NR3C2: variants seen among roughly 807,000 people sequenced by gnomAD.
NR3C2 encodes the protein nuclear receptor subfamily 3 group C member 2.
Under a neutral mutation model 86.4 loss-of-function variants are expected in NR3C2, and 15 were observed. The ratio of observed to expected loss-of-function variants is 0.17; its 90% CI spans 0.12 to 0.27. The LOEUF is 0.27. NR3C2 is among the 10% of genes least tolerant of loss of function. NR3C2 has a pLI of 1.00. For synonymous variants in NR3C2, 458 were observed against 450.5 expected, an observed-to-expected ratio of 1.02 and a Z score of -0.21; for missense variants, 960 against 1,195.6, an observed-to-expected ratio of 0.80 and a Z score of 2.91.
At chr4:148,320,346 T>C (rs1470162407) in intron 2 of NR3C2, among the ~76,000 whole-genome samples, 1 of 109,764 alleles carries the variant, frequency 9.1e-6, no homozygotes, top group African/African-American at 4.1e-5. Context: ...TCTTTTTTGG[T>C]TGTGTCTCTG....
chr4:148,155,922 C>G (rs1734361306), intron 4 of NR3C2, among the ~76,000 whole-genome samples: 2 of 152,028 alleles, frequency 1.3e-5, no homozygotes, highest in Non-Finnish European at 2.9e-5. Flanking sequence ...AGATATAGAT[C>G]AATGGAACAG....
intron 2 of NR3C2, among the ~76,000 whole-genome samples, chr4:148,321,780 A>G (rs1433407861): frequency 3.3e-5 from 5 of 152,118 alleles, no homozygotes; most frequent in South Asian, 2.1e-4. Flanking sequence ...GTCTCTGCAC[A>G]TGAGATGGGT....
intron 2 of NR3C2, among the ~76,000 whole-genome samples, chr4:148,316,947 G>A (rs574343396): frequency 3.1e-4 from 47 of 151,972 alleles, no homozygotes; most frequent in Non-Finnish European, 4.3e-4. Context: ...GATGACAGGC[G>A]CACACCACCA....
intron 8 of NR3C2, among the ~76,000 whole-genome samples, chr4:148,094,160 C>A (rs983207314): frequency 6.6e-6 from 1 of 152,036 alleles, no homozygotes; most frequent in Non-Finnish European, 1.5e-5. Context: ...CATTTCACAC[C>A]CATTAGGATG....
At chr4:148,098,380 T>C (rs1578879187) in intron 8 of NR3C2, among the ~76,000 whole-genome samples, 1 of 152,280 alleles carries the variant, frequency 6.6e-6, no homozygotes. Context: ...AGCCACGTCA[T>C]AGTTTTCTTG....
At chr4:148,236,672 C>T (rs1207460585) in intron 3 of NR3C2, among the ~76,000 whole-genome samples, 1 of 152,134 alleles carries the variant, frequency 6.6e-6, no homozygotes, top group Non-Finnish European at 1.5e-5. Flanking sequence ...TTGTATCTAG[C>T]TGGACACTCA....
intron 6 of NR3C2, among the ~76,000 whole-genome samples, chr4:148,129,122 C>T (rs1047937771): frequency 4.6e-5 from 7 of 152,122 alleles, no homozygotes; most frequent in African/African-American, 1.4e-4. Flanking sequence ...ATAGAAGCAA[C>T]CCAAGTGTTC....
At chr4:148,413,674 G>A (rs1748837206) in intron 2 of NR3C2, among the ~76,000 whole-genome samples, 1 of 152,052 alleles carries the variant, frequency 6.6e-6, no homozygotes, top group African/African-American at 2.4e-5. Flanking sequence ...AATAGGATAT[G>A]AACAGCAATT....
At chr4:148,388,149 A>T (rs559135033) in intron 2 of NR3C2, among the ~76,000 whole-genome samples, 6 of 152,202 alleles carry the variant, frequency 3.9e-5, no homozygotes, top group African/African-American at 1.2e-4. Context: ...AATAATTTAC[A>T]TGCTAGGGTA....
At chr4:148,358,126 T>C (rs1432309802) in intron 2 of NR3C2, among the ~76,000 whole-genome samples, 3 of 152,288 alleles carry the variant, frequency 2.0e-5, no homozygotes, top group East Asian at 3.9e-4. Flanking sequence ...ACTGGGTATA[T>C]ACCCAAAGGA....
intron 4 of NR3C2, among the ~76,000 whole-genome samples, chr4:148,183,232 T>C (rs112651241): frequency 0.17 from 26,451 of 152,194 alleles, 2,358 homozygotes; most frequent in Middle Eastern, 0.28. Context: ...TGATGGACAT[T>C]TGGGTTGGTT....
chr4:148,337,727 T>C (rs1477520961), intron 2 of NR3C2, among the ~76,000 whole-genome samples: 2 of 152,174 alleles, frequency 1.3e-5, no homozygotes, highest in Non-Finnish European at 2.9e-5. Context: ...TGAGTAGAAA[T>C]ATATGGTACA....
intron 3 of NR3C2, among the ~76,000 whole-genome samples, chr4:148,248,315 T>C (rs1326766516): frequency 5.9e-5 from 9 of 152,228 alleles, no homozygotes; most frequent in Admixed American, 2.0e-4. Context: ...ACTTATGTAA[T>C]CTTAGCAATA....
At chr4:148,140,098 G>T (rs895403463) in intron 6 of NR3C2, among the ~76,000 whole-genome samples, 4 of 152,140 alleles carry the variant, frequency 2.6e-5, no homozygotes, top group Non-Finnish European at 5.9e-5. Flanking sequence ...GGGGAGTCTG[G>T]AGCCTTCCTT....
At chr4:148,383,435 G>C (rs1747100890) in intron 2 of NR3C2, among the ~76,000 whole-genome samples, 1 of 152,058 alleles carries the variant, frequency 6.6e-6, no homozygotes, top group Non-Finnish European at 1.5e-5. Flanking sequence ...TTTGCCCTTG[G>C]TTAAAAATTA....
chr4:148,220,621 C>T (rs977363843), intron 3 of NR3C2, among the ~76,000 whole-genome samples: 1 of 152,062 alleles, frequency 6.6e-6, no homozygotes, highest in Non-Finnish European at 1.5e-5. Flanking sequence ...GCCTGGGCAA[C>T]ATAGCGAGAC....
At chr4:148,315,367 T>C (rs1377571281) in intron 2 of NR3C2, among the ~76,000 whole-genome samples, 2 of 152,170 alleles carry the variant, frequency 1.3e-5, no homozygotes, top group East Asian at 3.8e-4. Flanking sequence ...GTTGTCTCAG[T>C]ATTCCTAACT....
chr4:148,429,398 C>A (rs990838827), intron 2 of NR3C2, among the ~76,000 whole-genome samples: 1 of 152,198 alleles, frequency 6.6e-6, no homozygotes, highest in Non-Finnish European at 1.5e-5. Flanking sequence ...TCTCATACTC[C>A]CTCCCTAAGG....
chr4:148,319,212 C>CTCTGT (rs1169674749), intron 2 of NR3C2, among the ~76,000 whole-genome samples: 5 of 152,094 alleles, frequency 3.3e-5, no homozygotes, highest in African/African-American at 1.2e-4. Flanking sequence ...TTTCTGAGGG[C>CTCTGT]TCTGTTCTGT....
Sources: gnomAD v4.1 joint callset for allele counts (sites outside exome capture counted in the v4.1 genomes callset) on GRCh38, gnomAD v4.1.1 for gene constraint, MANE v1.5 for transcripts, NCBI Gene and HGNC (gene_info 2026-07-23, HGNC 2026-07-21) for gene names.